The following TMEM71 variants were observed in gnomAD, a reference collection of about 807,000 sequenced individuals.
TMEM71 encodes transmembrane protein 71.
Under a neutral mutation model 38.0 loss-of-function variants are expected in TMEM71, and 44 were observed. The ratio of observed to expected loss-of-function variants is 1.16; its 90% CI spans 0.91 to 1.49. The LOEUF (loss-of-function observed/expected upper bound fraction) is 1.49. Ranked by LOEUF, TMEM71 falls within the 40% of genes most tolerant of loss-of-function variation. The pLI is 0.00. For missense variants in TMEM71, 367 were observed against 348.6 expected, an observed-to-expected ratio of 1.05 and a Z score of -0.42; for synonymous variants, 133 against 122.5, an observed-to-expected ratio of 1.09 and a Z score of -0.56.
chr8:132,766,419 G>A, the TMEM71 span, among the ~76,000 whole-genome samples: 1 of 151,552 alleles, frequency 6.6e-6, no homozygotes, highest in Middle Eastern at 3.4e-3. Flanking sequence ...GGGGGGGAAA[G>A]GAAGAACTGG....
intron 5 of TMEM71, among the ~76,000 whole-genome samples, chr8:132,744,711 T>C (rs761251541): frequency 1.2e-4 from 18 of 152,160 alleles, no homozygotes; most frequent in Non-Finnish European, 2.2e-4. Flanking sequence ...AAAAAGAATT[T>C]GAATAGCCAA....
Position 132,739,913 on chromosome 8 carries a change from T to A in TMEM71, c.487+7029A>T, listed in dbSNP as rs539510190. 7.2e-5 allele frequency among the ~76,000 whole-genome samples: 11 copies of A among 152,314 alleles called. No individual in the cohort carries two copies. The South Asian group carries it at 2.3e-3, about 32-fold the overall frequency. On this transcript the variant is annotated intron_variant, in intron 5 of 9. Transcript: ENST00000677595. ...ACTTCTCATCACCATTCTGCTATCA[T>A]CTCAGTTCAAGCTGCCATTATCTCC...
At position 132,722,135 on chromosome 8, in the gene TMEM71, C is replaced by A. The variant is rs765438082; in HGVS notation, c.677-20G>T. The A allele has an allele frequency of 1.3e-6, 2 of 1,564,036 alleles. No individual in the cohort carries two copies. Among genetic ancestry groups the A allele is most frequent in the East Asian group, 2.3e-5 (1 of 42,666 alleles). On this transcript the variant is annotated intron_variant, in intron 6 of 9. Transcript: ENST00000677595. Reference sequence around the variant, plus strand: ...TGGTTTCTAATAGGAAGAACAAAAACAAATAAATTAGAAATCATTGCTGAT... The same window carrying A: ...TGGTTTCTAATAGGAAGAACAAAAAAAAATAAATTAGAAATCATTGCTGAT...
At chr8:132,719,119 G>A (rs1200824923) in intron 7 of TMEM71, among the ~76,000 whole-genome samples, 1 of 152,112 alleles carries the variant, frequency 6.6e-6, no homozygotes, top group Non-Finnish European at 1.5e-5. Flanking sequence ...ACCTGTAATT[G>A]CTACCCAGAT....
chr8:132,722,923 T>A (rs1282211898), intron 6 of TMEM71, among the ~76,000 whole-genome samples: 1 of 152,202 alleles, frequency 6.6e-6, no homozygotes, highest in Non-Finnish European at 1.5e-5. Context: ...AAAGCTGATT[T>A]GAGGATTACC....
At chr8:132,756,425 A>ATG (rs1829019031) in intron 3 of TMEM71, among the ~76,000 whole-genome samples, 2 of 143,774 alleles carry the variant, frequency 1.4e-5, no homozygotes, top group African/African-American at 5.1e-5. Context: ...ATATATATAT[A>ATG]TATATATATA....
At chr8:132,750,022 A>G (rs554207339) in intron 4 of TMEM71, among the ~76,000 whole-genome samples, 3 of 151,186 alleles carry the variant, frequency 2.0e-5, no homozygotes, top group African/African-American at 2.4e-5. Flanking sequence ...CAAAAAAAAA[A>G]AAAGAAAGAA....
At position 132,730,083 on chromosome 8, in the gene TMEM71, C is replaced by T. The variant is rs541754481; in HGVS notation, c.488-2097G>A. Among the ~76,000 whole-genome samples the T allele has an allele frequency of 1.2e-4, 18 of 152,136 alleles. No homozygotes were observed. The East Asian group carries it at 2.1e-3, about 18-fold the overall frequency. On this transcript the variant is annotated intron_variant, in intron 5 of 9. Transcript: ENST00000677595. ...AGGCGATTCTCCTGCCTCAGCCTCC[C>T]GAATAGCTGGGATTACAGGCATGTG...
chr8:132,765,681 G>T (rs565321613), upstream of TMEM71, among the ~76,000 whole-genome samples: 1 of 151,988 alleles, frequency 6.6e-6, no homozygotes, highest in African/African-American at 2.4e-5. Flanking sequence ...ATTATACAAG[G>T]TTCAATCTCT....
chr8:132,750,000 G>A (rs568644031), intron 4 of TMEM71, among the ~76,000 whole-genome samples: 38 of 123,886 alleles, frequency 3.1e-4, no homozygotes, highest in African/African-American at 9.5e-4. Context: ...GCGAAAGAGC[G>A]AGACTCCATC....
intron 5 of TMEM71, among the ~76,000 whole-genome samples, chr8:132,742,689 A>G (rs1046058474): frequency 6.6e-6 from 1 of 152,242 alleles, no homozygotes; most frequent in Non-Finnish European, 1.5e-5. Context: ...GAGTGAATGA[A>G]TAAATGAAAG....
chr8:132,714,272 T>C, intron 7 of TMEM71, 57 bp from the exon 8 acceptor site: 1 of 1,341,260 alleles, frequency 7.5e-7, no homozygotes, highest in Admixed American at 1.7e-5. Context: ...CCAACCTGTG[T>C]GATTTTTTTA....
intron 5 of TMEM71, among the ~76,000 whole-genome samples, chr8:132,745,243 C>A (rs570084380): frequency 6.6e-6 from 1 of 152,110 alleles, no homozygotes; most frequent in Non-Finnish European, 1.5e-5. Context: ...AATATACAAC[C>A]TACAGAATGG....
At chr8:132,718,709 G>C (rs1017137544) in intron 7 of TMEM71, among the ~76,000 whole-genome samples, 3 of 152,154 alleles carry the variant, frequency 2.0e-5, no homozygotes, top group Non-Finnish European at 4.4e-5. Context: ...CCTACCTGGG[G>C]ATTTTAAGAA....
In TMEM71 at chr8:132,757,308, TGAGA is replaced by T; in HGVS notation, c.41-18_41-15del. 6.3e-7 allele frequency: 1 copy of T among 1,581,136 alleles called. No individual in the cohort carries two copies. Among genetic ancestry groups the T allele is most frequent in the Non-Finnish European group, 8.7e-7 (1 of 1,151,584 alleles). On this transcript the variant is annotated splice_polypyrimidine_tract_variant and intron_variant, in intron 2 of 9. Transcript: ENST00000677595. The stretch of plus-strand genomic sequence containing the variant: ...ACCTGGAAGAACCTGCATAAACAAA[TGAGA>T]GAGAAGTAGAATGTATCATACCTGA...
rs766524951 is a variant in TMEM71, at chr8:132,710,842, G to C, written c.*125C>G. On this transcript the variant is annotated 3_prime_UTR_variant, in exon 10 of 10. Transcript: ENST00000677595. ...TAAAATCACATAGTCAAACTAAAAT[G>C]GCTTTTTCTCCATTACTCGCTTACT... 2 of 826,456 alleles carry C rather than the reference G, an allele frequency of 2.4e-6. No individual in the cohort carries two copies. The highest frequency in any genetic ancestry group is 2.9e-5 in the South Asian group (2 of 68,518). 51.2% of individuals were successfully genotyped at this position (826,456 alleles called of 1,614,324 possible).
At chr8:132,715,110 A>G (rs1826433588) in intron 7 of TMEM71, among the ~76,000 whole-genome samples, 1 of 152,190 alleles carries the variant, frequency 6.6e-6, no homozygotes, top group Non-Finnish European at 1.5e-5. Context: ...ATTGCAGTTA[A>G]GAATGAAAAG....
chr8:132,736,531 G>C (rs1827756107), intron 5 of TMEM71, among the ~76,000 whole-genome samples: 1 of 152,086 alleles, frequency 6.6e-6, no homozygotes, highest in African/African-American at 2.4e-5. Flanking sequence ...TTGTATTCTT[G>C]AAAATTGCTA....
the TMEM71 span, among the ~76,000 whole-genome samples, chr8:132,773,795 T>C: frequency 4.9e-4 from 74 of 152,344 alleles, 1 homozygote; most frequent in African/African-American, 1.6e-3. Flanking sequence ...TATTTTCATC[T>C]TATTTAGTGG....
Sources: gnomAD v4.1 joint callset for allele counts (sites outside exome capture counted in the v4.1 genomes callset) on GRCh38, gnomAD v4.1.1 for gene constraint, MANE v1.5 for transcripts, NCBI Gene and HGNC (gene_info 2026-07-23, HGNC 2026-07-21) for gene names.